Variants in SHISA6 observed in about 807,000 individuals in gnomAD.
SHISA6 encodes shisa family member 6.
SHISA6 carries 22 observed loss-of-function variants against 47.9 expected under a neutral mutation model. That is an observed-to-expected ratio of 0.46 (90% CI 0.33 to 0.66). SHISA6 has a LOEUF of 0.66. Ranked by LOEUF, SHISA6 falls within the 30% of genes least tolerant of loss-of-function variation. The pLI is 0.02. For missense variants in SHISA6, 680 were observed against 764.6 expected, an observed-to-expected ratio of 0.89 and a Z score of 1.30; for synonymous variants, 388 against 337.8, an observed-to-expected ratio of 1.15 and a Z score of -1.63.
Position 11,557,750 on chromosome 17 carries a change from G to A in SHISA6, c.1106-4G>A, listed in dbSNP as rs1203448470. 6.5e-7 allele frequency: 1 copy of A among 1,533,894 alleles called. No homozygotes were observed. ...CCTTCTCTCACTCTGTCTCTCCCCT[G>A]CAGCCGACAAGGAGGCTGACGAGTA... On this transcript the variant is annotated splice_polypyrimidine_tract_variant and splice_region_variant and intron_variant, in intron 5 of 5. Coordinates refer to ENST00000441885, the MANE Select transcript of SHISA6 (RefSeq NM_207386.4).
chr17:11,402,431 A>G (rs1913808667), intron 3 of SHISA6, among the ~76,000 whole-genome samples: 1 of 152,204 alleles, frequency 6.6e-6, no homozygotes, highest in African/African-American at 2.4e-5. Flanking sequence ...ATAGTTCTCC[A>G]AACTCCTGTT....
intron 2 of SHISA6, among the ~76,000 whole-genome samples, chr17:11,361,741 A>G (rs898889304): frequency 5.9e-5 from 9 of 152,236 alleles, no homozygotes; most frequent in African/African-American, 9.6e-5. Context: ...AATTAATTCA[A>G]TGAACAATTA....
At chr17:11,552,958 AC>A (rs2071943829) in intron 4 of SHISA6, among the ~76,000 whole-genome samples, 2 of 152,114 alleles carry the variant, frequency 1.3e-5, no homozygotes, top group Non-Finnish European at 2.9e-5. Context: ...GAGATATGAA[AC>A]CTTTTGAAGA....
chr17:11,469,255 CA>C (rs1298394693), intron 3 of SHISA6, among the ~76,000 whole-genome samples: 1 of 151,986 alleles, frequency 6.6e-6, no homozygotes, highest in Non-Finnish European at 1.5e-5. Flanking sequence ...AATGTCATCA[CA>C]AGGGTCCTTA....
chr17:11,431,047 G>A (rs992467257), intron 3 of SHISA6, among the ~76,000 whole-genome samples: 2 of 152,204 alleles, frequency 1.3e-5, no homozygotes, highest in Non-Finnish European at 2.9e-5. Flanking sequence ...CCAAGGTTTG[G>A]GATAATCTGG....
intron 2 of SHISA6, among the ~76,000 whole-genome samples, chr17:11,314,382 G>A (rs1910435037): frequency 6.6e-6 from 1 of 151,228 alleles, no homozygotes; most frequent in African/African-American, 2.4e-5. Flanking sequence ...TGTCTATATT[G>A]GGGGAAAAAA....
In SHISA6 at chr17:11,241,438, C is replaced by T. The variant is rs1450054809; in HGVS notation, c.16C>T (p.Leu6Phe). The T allele has an allele frequency of 7.5e-6, 9 of 1,195,716 alleles. No individual in the cohort carries two copies. The South Asian group carries it at 1.2e-4, about 16-fold the overall frequency. 74.1% of individuals were successfully genotyped at this position (1,195,716 alleles called of 1,614,324 possible). Residue 6 changes from leucine (L) to phenylalanine (F), a missense_variant, in exon 1 of 6, where the codon CTC becomes TTC. Coordinates refer to ENST00000441885, the MANE Select transcript of SHISA6 (RefSeq NM_207386.4). The surrounding 1 kb of genome is among the most constrained non-coding windows in gnomAD (Gnocchi z 5.5). MALRR[L>F]LLLLLLSLES... ...CGGCCCCGCCATGGCGCTGCGGCGC[C>T]TCCTGCTGCTGCTGCTGCTCTCGCT... is the stretch of plus-strand genomic sequence containing the variant.
At chr17:11,292,149 C>G (rs2142170003) in intron 2 of SHISA6, among the ~76,000 whole-genome samples, 1 of 152,192 alleles carries the variant, frequency 6.6e-6, no homozygotes, top group Non-Finnish European at 1.5e-5. Flanking sequence ...TCCCCACTCC[C>G]CCACCTCCAC....
At chr17:11,507,279 A>G (rs116011689) in intron 3 of SHISA6, among the ~76,000 whole-genome samples, 5 of 152,330 alleles carry the variant, frequency 3.3e-5, no homozygotes, top group South Asian at 2.1e-4. Flanking sequence ...CAGAATGTCT[A>G]TCTTTTCCTT....
At chr17:11,264,866 C>G (rs1002879181) in intron 2 of SHISA6, among the ~76,000 whole-genome samples, 1 of 152,132 alleles carries the variant, frequency 6.6e-6, no homozygotes, top group Non-Finnish European at 1.5e-5. Context: ...AGATGACACT[C>G]CCTCCTGAAA....
At chr17:11,513,270 CAT>C (rs960335411) in intron 3 of SHISA6, among the ~76,000 whole-genome samples, 4 of 151,096 alleles carry the variant, frequency 2.6e-5, no homozygotes, top group Admixed American at 6.6e-5. Context: ...AAGATACATA[CAT>C]ATATATATAC....
intron 3 of SHISA6, among the ~76,000 whole-genome samples, chr17:11,502,496 G>C (rs917142337): frequency 6.6e-6 from 1 of 150,976 alleles, no homozygotes; most frequent in African/African-American, 2.4e-5. Context: ...GGGAGGCCGA[G>C]ACAGGTGGAT....
At chr17:11,393,196 C>T (rs1913447124) in intron 3 of SHISA6, among the ~76,000 whole-genome samples, 1 of 152,196 alleles carries the variant, frequency 6.6e-6, no homozygotes, top group Admixed American at 6.5e-5. Context: ...TGTTCCCCAC[C>T]TTGGTAAATG....
chr17:11,368,292 T>C (rs1912519498), intron 2 of SHISA6, among the ~76,000 whole-genome samples: 1 of 112,288 alleles, frequency 8.9e-6, no homozygotes, highest in Non-Finnish European at 1.9e-5. Context: ...CTTTTGGAGG[T>C]GAGATGAGCT....
At chr17:11,472,019 A>G (rs1446450897) in intron 3 of SHISA6, among the ~76,000 whole-genome samples, 1 of 152,192 alleles carries the variant, frequency 6.6e-6, no homozygotes, top group Non-Finnish European at 1.5e-5. Flanking sequence ...TGACAAAAGT[A>G]TAATGGTGTG....
At chr17:11,251,690 T>G (rs1207499921) in intron 1 of SHISA6, among the ~76,000 whole-genome samples, 1 of 152,204 alleles carries the variant, frequency 6.6e-6, no homozygotes, top group Admixed American at 6.5e-5. Context: ...AGCTTGCTTC[T>G]GCTGTTCCCT....
At chr17:11,325,278 G>A (rs9913063) in intron 2 of SHISA6, among the ~76,000 whole-genome samples, 3,713 of 152,268 alleles carry the variant, frequency 0.024, 159 homozygotes, top group African/African-American at 0.084. Context: ...TGAATGGCAC[G>A]AGCTCTAGAA....
chr17:11,537,524 G>A (rs996371978), intron 3 of SHISA6, among the ~76,000 whole-genome samples: 1 of 151,976 alleles, frequency 6.6e-6, no homozygotes, highest in African/African-American at 2.4e-5. Flanking sequence ...AGGAAGGAGG[G>A]GTGCCTTCTT....
chr17:11,454,762 C>G (rs1277219177), intron 3 of SHISA6, among the ~76,000 whole-genome samples: 1 of 152,212 alleles, frequency 6.6e-6, no homozygotes, highest in African/African-American at 2.4e-5. Context: ...TTTGTTCACT[C>G]ATTTGTTATC....
Sources: gnomAD v4.1 joint callset for allele counts (sites outside exome capture counted in the v4.1 genomes callset) on GRCh38, gnomAD v4.1.1 for gene constraint, Gnocchi (gnomAD v3.1) non-coding constraint, MANE v1.5 for transcripts, NCBI Gene and HGNC (gene_info 2026-07-23, HGNC 2026-07-21) for gene names.